Variants in OTOGL observed in about 807,000 individuals in gnomAD.
OTOGL encodes the protein otogelin like, also known as otogelin-like protein.
A neutral mutation model predicts 318.5 loss-of-function variants in OTOGL; 285 were observed. That is an observed-to-expected ratio of 0.89 (90% confidence interval 0.81 to 0.99). OTOGL has a LOEUF of 0.99. Among genes scored for constraint, OTOGL ranks in the 50% least tolerant of loss-of-function variants. OTOGL has a pLI of 0.00. For synonymous variants in OTOGL, 987 were observed against 936.5 expected, an observed-to-expected ratio of 1.05 and a Z score of -0.99; for missense variants, 2,899 against 2,845.6, an observed-to-expected ratio of 1.02 and a Z score of -0.43.
At chr12:80,219,732 G>T (rs1201527115) in intron 5 of OTOGL, 82 bp from the exon 6 acceptor site, 1 of 885,368 alleles carries the variant, frequency 1.1e-6, no homozygotes, top group African/African-American at 1.7e-5. Context: ...ATTACAATTT[G>T]TCCAAGCTAT....
Position 80,323,822 on chromosome 12 carries a change from C to T in OTOGL, c.4181C>T (p.Ala1394Val). The change falls in exon 35 of 59, where the codon GCA becomes GTA. Residue 1394 changes from alanine (A) to valine (V), a missense_variant. Ala to Val is a moderately conservative substitution (Grantham distance 64, BLOSUM62 0). Around this residue, in one of 3 missense-constraint regions of OTOGL, gnomAD observed 2,607 missense variants for 2,524.9 expected, o/e 1.03. Transcript: ENST00000547103. ...ACATGTAGTGACCCTGAAGCACTAG[C>T]ATGTAAATTTCTTCCACCGTAAGTA... is the stretch of plus-strand genomic sequence containing the variant. ...FKTCSDPEALACKFLPPVEGC... is the reference protein window; with the variant it reads ...FKTCSDPEALVCKFLPPVEGC... 2 of 1,611,640 alleles carry T rather than the reference C, an allele frequency of 1.2e-6. No individual in the cohort carries two copies. The highest frequency in any genetic ancestry group is 1.7e-6 in the Non-Finnish European group (2 of 1,177,824).
At chr12:80,129,856 A>G (rs555198043) in intron 1 of OTOGL, among the ~76,000 whole-genome samples, 31 of 152,186 alleles carry the variant, frequency 2.0e-4, no homozygotes, top group African/African-American at 6.3e-4. Context: ...CATTGCTTTG[A>G]AACTCTTCTT....
chr12:80,165,343 A>G (rs946357367), intron 1 of OTOGL, among the ~76,000 whole-genome samples: 2 of 152,138 alleles, frequency 1.3e-5, no homozygotes, highest in African/African-American at 2.4e-5. Flanking sequence ...TTATTCATTA[A>G]GCATTTATCA....
intron 1 of OTOGL, among the ~76,000 whole-genome samples, chr12:80,144,958 C>T (rs1019842004): frequency 3.3e-5 from 5 of 150,922 alleles, no homozygotes; most frequent in African/African-American, 1.2e-4. Context: ...GGATATTAGC[C>T]CTTTGTCAGA....
At chr12:80,209,747 T>A (rs984007966) in intron 2 of OTOGL, among the ~76,000 whole-genome samples, 1 of 152,148 alleles carries the variant, frequency 6.6e-6, no homozygotes, top group African/African-American at 2.4e-5. Flanking sequence ...TATTATGATA[T>A]GCAATTGTAC....
At chr12:80,254,591 T>A (rs749545329) in intron 15 of OTOGL, 21 bp downstream of exon 15, 1 of 1,589,992 alleles carries the variant, frequency 6.3e-7, no homozygotes, top group Admixed American at 1.7e-5. Context: ...AAAATGTTTT[T>A]ATAGAGAATG....
intron 1 of OTOGL, among the ~76,000 whole-genome samples, chr12:80,109,431 C>G (rs1029292129): frequency 2.6e-5 from 4 of 152,152 alleles, no homozygotes. Context: ...CCATTTGAAA[C>G]TCATAGTATC....
chr12:80,353,386 A>G lies in OTOGL; in HGVS notation c.5469A>G (p.Thr1823=). The change falls in exon 46 of 59, where the codon ACA becomes ACG. Residue 1823 remains threonine, a synonymous_variant. Coordinates refer to ENST00000547103, the MANE Select transcript of OTOGL (RefSeq NM_001378609.3). ...QPCVRPCEAR[T]CLNQWFYGHT... ...GTGTGCGACCTTGTGAAGCAAGAAC[A>G]TGCCTGAACCAATGGTTCTATGGAC... The G allele has an allele frequency of 1.2e-6, 2 of 1,602,632 alleles. No individual in the cohort carries two copies. Among genetic ancestry groups the G allele is most frequent in the Non-Finnish European group, 1.7e-6 (2 of 1,174,264 alleles).
intron 44 of OTOGL, among the ~76,000 whole-genome samples, chr12:80,349,619 A>T (rs1418565277): frequency 6.6e-6 from 1 of 152,142 alleles, no homozygotes; most frequent in African/African-American, 2.4e-5. Context: ...TAGGCTTCTG[A>T]GAGATCGCGG....
At chr12:80,345,574 A>G (rs1239936481) in intron 44 of OTOGL, among the ~76,000 whole-genome samples, 1 of 152,136 alleles carries the variant, frequency 6.6e-6, no homozygotes, top group Non-Finnish European at 1.5e-5. Flanking sequence ...TTGAAAATAT[A>G]ATTTTTCATC....
At chr12:80,218,064 A>G (rs1049790415) in intron 5 of OTOGL, among the ~76,000 whole-genome samples, 6 of 152,220 alleles carry the variant, frequency 3.9e-5, no homozygotes, top group Non-Finnish European at 8.8e-5. Flanking sequence ...TGTTTAAAAT[A>G]ACAATGATCC....
intron 26 of OTOGL, among the ~76,000 whole-genome samples, chr12:80,294,354 A>G (rs530666053): frequency 6.6e-6 from 1 of 152,144 alleles, no homozygotes; most frequent in Non-Finnish European, 1.5e-5. Flanking sequence ...TTTAATTAAT[A>G]GCAATAAAAT....
Position 80,238,859 on chromosome 12 carries a change from A to G in OTOGL, c.826A>G (p.Thr276Ala), listed in dbSNP as rs371537467. ...GTGCCTGTGTGAAATAGAGGACTAT[A>G]CAGAAGACATCGCTATGTTTGCAAA... ...DDFIILQEDY[T>A]EDIAMFANSW... Residue 276 changes from threonine to alanine, a missense_variant, in exon 10 of 59, where the codon ACA becomes GCA. By Grantham distance (58) the Thr-to-Ala change is moderately conservative. Around this residue, in one of 3 missense-constraint regions of OTOGL, gnomAD observed 2,607 missense variants for 2,524.9 expected, o/e 1.03. Coordinates refer to ENST00000547103, the MANE Select transcript of OTOGL (RefSeq NM_001378609.3). The G allele has an allele frequency of 1.9e-6, 3 of 1,546,432 alleles. No individual in the cohort carries two copies. Among genetic ancestry groups the G allele is most frequent in the East Asian group, 2.4e-5 (1 of 42,034 alleles).
In OTOGL at chr12:80,336,985, T is replaced by C. The variant is rs1189353215; in HGVS notation, c.4841T>C (p.Val1614Ala). Residue 1614 changes from valine (V) to alanine (A), a missense_variant, in exon 42 of 59, where the codon GTC (valine) becomes GCC (alanine). By Grantham distance (64) the Val-to-Ala change is moderately conservative (BLOSUM62 0). Around this residue, in one of 3 missense-constraint regions of OTOGL, gnomAD observed 2,607 missense variants for 2,524.9 expected, o/e 1.03. Transcript: ENST00000547103. Reference sequence around the variant, plus strand: ...ACAACACCCATACATAAAATAATTGTCAATCGGTTGGCAAGAAAGGTAAGA... The same window carrying C: ...ACAACACCCATACATAAAATAATTGCCAATCGGTTGGCAAGAAAGGTAAGA... Reference protein sequence around the residue: ...NVTTPIHKIIVNRLARKVEVD... With the variant: ...NVTTPIHKIIANRLARKVEVD... 8.8e-6 allele frequency: 14 copies of C among 1,584,888 alleles called. No homozygotes were observed. Among genetic ancestry groups the C allele is most frequent in the Non-Finnish European group, 1.1e-5 (13 of 1,163,380 alleles).
At chr12:80,201,940 T>G (rs1876486911) in intron 1 of OTOGL, among the ~76,000 whole-genome samples, 1 of 152,218 alleles carries the variant, frequency 6.6e-6, no homozygotes, top group Non-Finnish European at 1.5e-5. Flanking sequence ...AAAGCATTCC[T>G]GCCTGCTGCT....
chr12:80,339,298 G>GTTTTCTTTT (rs1888611175), intron 43 of OTOGL, 34 bp downstream of exon 43: 2 of 445,022 alleles, frequency 4.5e-6, no homozygotes, highest in Non-Finnish European at 6.2e-6. Context: ...GATTTCGTCT[G>GTTTTCTTTT]TTTTTTTTTT....
chr12:80,300,808 A>T (rs1885708867), intron 27 of OTOGL, among the ~76,000 whole-genome samples: 1 of 152,152 alleles, frequency 6.6e-6, no homozygotes, highest in African/African-American at 2.4e-5. Flanking sequence ...AGCGCACAGG[A>T]CTTGAGATGG....
intron 50 of OTOGL, 77 bp downstream of exon 50, chr12:80,358,426 T>C: frequency 8.4e-7 from 1 of 1,192,310 alleles, no homozygotes; most frequent in Non-Finnish European, 1.2e-6. Flanking sequence ...TAGTTGGCTG[T>C]TACATCAGAC....
At chr12:80,369,281 G>T (rs894527007) in intron 55 of OTOGL, among the ~76,000 whole-genome samples, 19 of 152,082 alleles carry the variant, frequency 1.2e-4, no homozygotes, top group Non-Finnish European at 2.4e-4. Flanking sequence ...GTAATGTAAG[G>T]TTTCATGTCT....
Sources: gnomAD v4.1 joint callset for allele counts (sites outside exome capture counted in the v4.1 genomes callset) on GRCh38, gnomAD v4.1.1 for gene constraint, gnomAD v4.1.1 regional missense constraint, MANE v1.5 for transcripts, NCBI Gene and HGNC (gene_info 2026-07-23, HGNC 2026-07-21) for gene names.